JARID2: variants seen among roughly 807,000 people sequenced by gnomAD.
The protein encoded by JARID2 is protein Jumonji.
JARID2 carries 21 observed loss-of-function variants against 125.6 expected under a neutral mutation model. That is an observed-to-expected ratio of 0.17 (90% confidence interval 0.12 to 0.24). The LOEUF (loss-of-function observed/expected upper bound fraction) is 0.24. Ranked by LOEUF, JARID2 falls within the 10% of genes least tolerant of loss-of-function variation. The pLI, the probability that JARID2 is intolerant of heterozygous loss-of-function variation, is 1.00. For synonymous variants in JARID2, 736 were observed against 661.6 expected, an observed-to-expected ratio of 1.11 and a Z score of -1.73; for missense variants, 1,303 against 1,639.6, an observed-to-expected ratio of 0.79 and a Z score of 3.55.
At chr6:15,379,137 GT>G (rs1387430346) in intron 2 of JARID2, among the ~76,000 whole-genome samples, 1 of 151,424 alleles carries the variant, frequency 6.6e-6, no homozygotes, top group East Asian at 1.9e-4. Flanking sequence ...TATCAGTCTT[GT>G]TTTTGTGGTT....
chr6:15,430,515 A>G (rs1436470185), intron 3 of JARID2, among the ~76,000 whole-genome samples: 1 of 152,214 alleles, frequency 6.6e-6, no homozygotes, highest in Non-Finnish European at 1.5e-5. Flanking sequence ...CTTATATGAA[A>G]TACTGTTCTG....
At chr6:15,280,968 G>A (rs1760726805) in intron 1 of JARID2, among the ~76,000 whole-genome samples, 1 of 152,068 alleles carries the variant, frequency 6.6e-6, no homozygotes, top group Non-Finnish European at 1.5e-5. Flanking sequence ...TGTGATTTTT[G>A]TCTTATGCTG....
intron 1 of JARID2, among the ~76,000 whole-genome samples, chr6:15,309,543 C>G (rs954344963): frequency 3.3e-5 from 5 of 151,948 alleles, no homozygotes; most frequent in African/African-American, 1.2e-4. Flanking sequence ...AGAATGTTGA[C>G]TGACATAAAA....
At chr6:15,483,919 T>C (rs767874050) in intron 5 of JARID2, among the ~76,000 whole-genome samples, 1 of 152,198 alleles carries the variant, frequency 6.6e-6, no homozygotes, top group Non-Finnish European at 1.5e-5. Flanking sequence ...TATCCATCTT[T>C]ATGATATGAC....
At chr6:15,287,156 C>G (rs1761035258) in intron 1 of JARID2, among the ~76,000 whole-genome samples, 1 of 152,058 alleles carries the variant, frequency 6.6e-6, no homozygotes, top group East Asian at 1.9e-4. Flanking sequence ...AACAAACAAA[C>G]AAACAAAAAA....
In JARID2 at chr6:15,505,386, C is replaced by T. The variant is rs573021413; in HGVS notation, c.2541+794C>T. ...TTTTTCCCCTTAATGCCACCTGTTT[C>T]AAATAAAATCCAAGGTCGGTTTGCC... is the stretch of plus-strand genomic sequence containing the variant. On this transcript the variant is annotated intron_variant, in intron 9 of 17. Transcript: ENST00000341776. 1.7e-4 allele frequency: 24 copies of T among 140,668 alleles called. No individual in the cohort carries two copies. The East Asian group carries it at 4.8e-3, about 28-fold the overall frequency. The allele number at this position is 140,668 out of a possible 1,614,324, so 8.7% of individuals were successfully genotyped here. A position where few individuals can be genotyped will look rare whatever the true frequency, so the allele number is the denominator to read the frequency against.
intron 1 of JARID2, among the ~76,000 whole-genome samples, chr6:15,275,533 G>GCA (rs1554118144): frequency 1.1e-4 from 2 of 18,708 alleles, no homozygotes; most frequent in African/African-American, 5.4e-4. Context: ...CGCCCCCCCC[G>GCA]CCCCCCCCCC....
chr6:15,470,543 T>C (rs1769025173), intron 5 of JARID2, among the ~76,000 whole-genome samples: 1 of 152,242 alleles, frequency 6.6e-6, no homozygotes. Context: ...CACTTAATAA[T>C]TGTTCATCTG....
chr6:15,467,958 A>G (rs1250229492), intron 4 of JARID2, among the ~76,000 whole-genome samples: 1 of 152,052 alleles, frequency 6.6e-6, no homozygotes, highest in Non-Finnish European at 1.5e-5. Flanking sequence ...TTTTATTTCA[A>G]ATTCAGCACT....
intron 9 of JARID2, among the ~76,000 whole-genome samples, chr6:15,504,978 C>T (rs1452056761): frequency 6.6e-5 from 10 of 152,138 alleles, no homozygotes; most frequent in Non-Finnish European, 1.2e-4. Context: ...TTTTTCTTCT[C>T]TTCTATTTTT....
chr6:15,337,066 C>G (rs377019018), intron 1 of JARID2, among the ~76,000 whole-genome samples: 7 of 152,180 alleles, frequency 4.6e-5, no homozygotes, highest in East Asian at 3.9e-4. Context: ...TAAACGAATG[C>G]GAAACTGTCT....
At chr6:15,435,346 A>G (rs1767156873) in intron 3 of JARID2, among the ~76,000 whole-genome samples, 1 of 152,204 alleles carries the variant, frequency 6.6e-6, no homozygotes, top group Non-Finnish European at 1.5e-5. Flanking sequence ...TATATTCCAA[A>G]TCCTCGTGAG....
At chr6:15,265,968 G>A (rs561095821) in intron 1 of JARID2, among the ~76,000 whole-genome samples, 1 of 152,274 alleles carries the variant, frequency 6.6e-6, no homozygotes, top group East Asian at 1.9e-4. Flanking sequence ...GCCAACGGGG[G>A]TGAATAATTG....
At chr6:15,279,368 G>A (rs1234993127) in intron 1 of JARID2, among the ~76,000 whole-genome samples, 2 of 152,138 alleles carry the variant, frequency 1.3e-5, no homozygotes, top group African/African-American at 4.8e-5. Flanking sequence ...ATGCCCACTA[G>A]TTTGATTTTG....
At chr6:15,372,732 C>T (rs556103175) in intron 1 of JARID2, among the ~76,000 whole-genome samples, 37 of 151,320 alleles carry the variant, frequency 2.4e-4, no homozygotes, top group African/African-American at 8.3e-4. Flanking sequence ...TTTTTTGAGA[C>T]TGAGTCTCAC....
rs371497185 is a variant in JARID2 at position 15,501,377 on chromosome 6, G to A, written c.2416G>A (p.Val806Ile). The change falls in exon 8 of 18, where the codon GTC becomes ATC. Residue 806 changes from valine to isoleucine, a missense_variant. Physicochemically the swap from Val to Ile is conservative, Grantham distance 29. Coordinates refer to ENST00000341776, the MANE Select transcript of JARID2 (RefSeq NM_004973.4). ...VVKEEEEDKG[V>I]LNDFHKCIYK... is the part of the protein sequence containing the mutation. ...CAAGGAAGAGGAGGAGGACAAAGGCGTCCTCAATGACTTCCACAAGTGCAT... is the reference window on the plus strand; with the variant it reads ...CAAGGAAGAGGAGGAGGACAAAGGCATCCTCAATGACTTCCACAAGTGCAT... 3.2e-5 allele frequency: 50 copies of A among 1,560,680 alleles called. No individual in the cohort carries two copies. Among genetic ancestry groups the A allele is most frequent in the East Asian group, 1.6e-4 (7 of 44,230 alleles).
At chr6:15,494,611 T>C (rs1391163490) in intron 6 of JARID2, among the ~76,000 whole-genome samples, 2 of 152,058 alleles carry the variant, frequency 1.3e-5, no homozygotes, top group Non-Finnish European at 2.9e-5. Flanking sequence ...GGTTTCACCG[T>C]GTTAGCCAGT....
At chr6:15,294,932 A>G (rs1761352781) in intron 1 of JARID2, among the ~76,000 whole-genome samples, 3 of 152,044 alleles carry the variant, frequency 2.0e-5, no homozygotes, top group Non-Finnish European at 2.9e-5. Flanking sequence ...ATGAATTGAG[A>G]TAACTTTTTC....
intron 1 of JARID2, among the ~76,000 whole-genome samples, chr6:15,271,335 C>G (rs774445644): frequency 6.6e-6 from 1 of 152,166 alleles, no homozygotes; most frequent in South Asian, 2.1e-4. Context: ...ATTCTGCATT[C>G]TAACAAACTC....
Sources: allele counts gnomAD v4.1 joint callset (sites outside exome capture counted in the v4.1 genomes callset), GRCh38; gene constraint gnomAD v4.1.1; transcripts MANE v1.5; gene names NCBI Gene and HGNC (gene_info 2026-07-23, HGNC 2026-07-21).